DNAH9: variants seen among roughly 807,000 people sequenced by gnomAD.
DNAH9 encodes dynein axonemal heavy chain 9, also known as DNAH9 variant protein.
Under a neutral mutation model 471.6 loss-of-function variants are expected in DNAH9, and 345 were observed. The ratio of observed to expected loss-of-function variants is 0.73; its 90% CI spans 0.67 to 0.80. The LOEUF is 0.80. Among genes scored for constraint, DNAH9 ranks in the 30% least tolerant of loss-of-function variants. The pLI is 0.00. For synonymous variants in DNAH9, 2,093 were observed against 2,123.6 expected, an observed-to-expected ratio of 0.99 and a Z score of 0.40; for missense variants, 5,407 against 5,609.2, an observed-to-expected ratio of 0.96 and a Z score of 1.15.
chr17:11,808,011 TC>T, intron 44 of DNAH9, 117 bp downstream of exon 44: 1 of 1,190,620 alleles, frequency 8.4e-7, no homozygotes, highest in Non-Finnish European at 1.2e-6. Context: ...TCAATGTCTG[TC>T]CATTTCTGTC....
At chr17:11,808,114 G>A (rs1286312157) in intron 44 of DNAH9, among the ~76,000 whole-genome samples, 11 of 152,186 alleles carry the variant, frequency 7.2e-5, no homozygotes, top group Admixed American at 4.6e-4. Context: ...GAGACCTCAG[G>A]CGTCCTAGTT....
chr17:11,604,300 G>C (rs118172785), intron 1 of DNAH9, among the ~76,000 whole-genome samples: 3 of 152,062 alleles, frequency 2.0e-5, no homozygotes, highest in Non-Finnish European at 1.5e-5. Flanking sequence ...GGGATTACAG[G>C]TGTGAGCCGC....
chr17:11,880,722 G>A (rs1972685561), intron 54 of DNAH9, among the ~76,000 whole-genome samples: 1 of 152,124 alleles, frequency 6.6e-6, no homozygotes, highest in Admixed American at 6.5e-5. Flanking sequence ...AGGGGTGCTT[G>A]ACTCAGGAGC....
At chr17:11,706,203 G>A (rs1482276680) in intron 26 of DNAH9, among the ~76,000 whole-genome samples, 2 of 152,034 alleles carry the variant, frequency 1.3e-5, no homozygotes, top group East Asian at 3.9e-4. Context: ...TCAATCAATT[G>A]ATCAATTAAC....
intron 41 of DNAH9, among the ~76,000 whole-genome samples, chr17:11,789,529 T>A (rs544973014): frequency 6.6e-6 from 1 of 152,048 alleles, no homozygotes; most frequent in Non-Finnish European, 1.5e-5. Flanking sequence ...CTCTTCCTTA[T>A]GTTGGGTATT....
intron 50 of DNAH9, among the ~76,000 whole-genome samples, chr17:11,860,416 T>C (rs1158771368): frequency 2.0e-5 from 3 of 152,232 alleles, no homozygotes; most frequent in African/African-American, 7.2e-5. Flanking sequence ...AAGAGGTAAA[T>C]TTTCTGCATT....
chr17:11,871,910 C>T, intron 52 of DNAH9, 124 bp downstream of exon 52: 4 of 1,071,356 alleles, frequency 3.7e-6, no homozygotes, highest in Non-Finnish European at 5.4e-6. Flanking sequence ...CCCCTGAGCA[C>T]CAGGTGTGAA....
intron 38 of DNAH9, among the ~76,000 whole-genome samples, chr17:11,774,146 T>C (rs1968329233): frequency 6.6e-6 from 1 of 151,922 alleles, no homozygotes; most frequent in Non-Finnish European, 1.5e-5. Flanking sequence ...CAAAATAAAA[T>C]AAAATAGAAT....
At chr17:11,768,030 G>A (rs537206576) in intron 36 of DNAH9, among the ~76,000 whole-genome samples, 76 of 152,248 alleles carry the variant, frequency 5.0e-4, no homozygotes, top group Middle Eastern at 3.4e-3. Context: ...CTGTGCCCCA[G>A]GTGTCAAGAG....
At chr17:11,802,195 G>T (rs187001609) in intron 43 of DNAH9, among the ~76,000 whole-genome samples, 75 of 152,224 alleles carry the variant, frequency 4.9e-4, no homozygotes, top group African/African-American at 1.7e-3. Context: ...TAAAGCAGAA[G>T]GATTCCCCTT....
chr17:11,913,570 C>G (rs1424575664), intron 61 of DNAH9, among the ~76,000 whole-genome samples: 1 of 152,082 alleles, frequency 6.6e-6, no homozygotes, highest in East Asian at 1.9e-4. Context: ...ATCACGAGGT[C>G]AGGAGATCGA....
intron 30 of DNAH9, among the ~76,000 whole-genome samples, chr17:11,743,403 A>G (rs781655354): frequency 2.6e-5 from 4 of 152,152 alleles, no homozygotes; most frequent in Non-Finnish European, 4.4e-5. Flanking sequence ...CCTTTCTACT[A>G]GTTTTTCCAC....
chr17:11,826,554 G>A (rs1009291319), intron 48 of DNAH9, among the ~76,000 whole-genome samples: 30 of 143,790 alleles, frequency 2.1e-4, no homozygotes, highest in African/African-American at 5.2e-4. Flanking sequence ...TCTGCCTCCC[G>A]GGTTCACACC....
At chr17:11,755,655 T>C (rs576581254) in intron 33 of DNAH9, among the ~76,000 whole-genome samples, 1 of 12,468 alleles carries the variant, frequency 8.0e-5, no homozygotes, top group South Asian at 7.8e-3. Flanking sequence ...TTAAACTGTT[T>C]AAATAACTTT....
intron 44 of DNAH9, among the ~76,000 whole-genome samples, chr17:11,809,920 C>A (rs931595215): frequency 6.6e-6 from 1 of 152,048 alleles, no homozygotes; most frequent in Non-Finnish European, 1.5e-5. Context: ...CCTCTTTGCA[C>A]AAAGCAGGAG....
chr17:11,663,534 A>G (rs2073812898), intron 14 of DNAH9, among the ~76,000 whole-genome samples: 2 of 152,196 alleles, frequency 1.3e-5, no homozygotes, highest in South Asian at 4.1e-4. Flanking sequence ...CTTTTATTAT[A>G]ATCAGTTCTG....
In DNAH9 at chr17:11,626,188, C is replaced by G. The variant is rs1030727868; in HGVS notation, c.1351-3229C>G. 6.6e-6 allele frequency among the ~76,000 whole-genome samples: 1 copy of G among 151,974 alleles called. No homozygotes were observed. Among genetic ancestry groups the G allele is most frequent in the Admixed American group, 6.6e-5 (1 of 15,262 alleles). ...AGCCGGTGTATAACATGATGAATTT[C>G]GTGTTTAGTACTGTGATGAATAAAA... On this transcript the variant is annotated intron_variant, in intron 6 of 68. Transcript: ENST00000262442. The surrounding 1 kb of genome is among the most constrained non-coding windows in gnomAD (Gnocchi z 4.3).
chr17:11,843,863 G>GTATATATATATATATATATA (rs61067153), intron 49 of DNAH9, among the ~76,000 whole-genome samples: 15 of 46,468 alleles, frequency 3.2e-4, no homozygotes, highest in African/African-American at 1.1e-3. Context: ...GTGTGTGTGT[G>GTATATATATATATATATATA]TATATATATA....
chr17:11,768,594 C>G lies in DNAH9; in HGVS notation c.7312C>G (p.Gln2438Glu). ...CGAGCCTTGGTCCAAGCTCGTCCCC[C>G]AGTTCGAATTTGACCCCGAGATGCC... ...KFEPWSKLVP[Q>E]FEFDPEMPLQ... Residue 2438 changes from glutamine to glutamate, a missense_variant, in exon 37 of 69, where the codon CAG (glutamine) becomes GAG (glutamate). By Grantham distance (29) the Gln-to-Glu change is conservative. Transcript: ENST00000262442. 6.2e-7 allele frequency: 1 copy of G among 1,614,110 alleles called. No homozygotes were observed. Among genetic ancestry groups the G allele is most frequent in the Admixed American group, 1.7e-5 (1 of 60,022 alleles).
Sources: allele counts gnomAD v4.1 joint callset (sites outside exome capture counted in the v4.1 genomes callset), GRCh38; gene constraint gnomAD v4.1.1; non-coding constraint Gnocchi (gnomAD v3.1); transcripts MANE v1.5; gene names NCBI Gene and HGNC (gene_info 2026-07-23, HGNC 2026-07-21).